The following NELL1 variants were observed in gnomAD, a reference collection of about 807,000 sequenced individuals.
NELL1 encodes the protein neural EGFL like 1.
NELL1 carries 76 observed loss-of-function variants against 107.4 expected under a neutral mutation model. That is an observed-to-expected ratio of 0.71 (90% CI 0.59 to 0.86). The LOEUF is 0.86. Among genes scored for constraint, NELL1 ranks in the 40% least tolerant of loss-of-function variants. The pLI, the probability that NELL1 is intolerant of heterozygous loss-of-function variation, is 0.00. For missense variants in NELL1, 1,024 were observed against 1,005.5 expected (o/e 1.02, Z -0.25); for synonymous variants, 353 against 341.2 (o/e 1.03, Z -0.38).
chr11:20,842,801 G>C (rs922176806), intron 3 of NELL1, among the ~76,000 whole-genome samples: 1 of 152,186 alleles, frequency 6.6e-6, no homozygotes, highest in East Asian at 1.9e-4. Context: ...CACTACTATA[G>C]AAATATTTGT....
chr11:21,289,683 GGC>G (rs1849206791), intron 14 of NELL1, among the ~76,000 whole-genome samples: 1 of 152,152 alleles, frequency 6.6e-6, no homozygotes, highest in African/African-American at 2.4e-5. Flanking sequence ...TCCTGGAAAA[GGC>G]TGAAGCCAGG....
At chr11:21,437,888 C>T (rs1331370728) in intron 15 of NELL1, among the ~76,000 whole-genome samples, 2 of 152,138 alleles carry the variant, frequency 1.3e-5, no homozygotes, top group Non-Finnish European at 2.9e-5. Flanking sequence ...AAATTATTTG[C>T]ATTCAAGGTT....
chr11:21,023,577 T>A (rs79926065), intron 12 of NELL1, among the ~76,000 whole-genome samples: 6,222 of 152,250 alleles, frequency 0.041, 181 homozygotes, highest in Middle Eastern at 0.12. Context: ...TGCTAAATTT[T>A]TTTTTTAGTG....
intron 4 of NELL1, among the ~76,000 whole-genome samples, chr11:20,867,913 T>C (rs944326097): frequency 3.3e-5 from 5 of 152,198 alleles, no homozygotes; most frequent in Admixed American, 6.5e-5. Context: ...ATTTCTAAAT[T>C]GTGAATGAGA....
At chr11:20,708,420 A>G (rs1034977136) in intron 2 of NELL1, among the ~76,000 whole-genome samples, 1 of 151,964 alleles carries the variant, frequency 6.6e-6, no homozygotes, top group Non-Finnish European at 1.5e-5. Context: ...CTTCTGGGTC[A>G]CTCATGCTGG....
At chr11:21,240,524 C>T (rs1044108261) in intron 14 of NELL1, among the ~76,000 whole-genome samples, 3 of 151,958 alleles carry the variant, frequency 2.0e-5, no homozygotes, top group African/African-American at 7.2e-5. Context: ...CTAATTATCT[C>T]ATCTAAGTTA....
chr11:21,045,604 A>G (rs977073826), intron 12 of NELL1, among the ~76,000 whole-genome samples: 1 of 152,114 alleles, frequency 6.6e-6, no homozygotes. Flanking sequence ...TACCTGTTTA[A>G]TGTACTTAAT....
chr11:20,847,505 A>T, intron 3 of NELL1, 78 bp from the exon 4 acceptor site: 1 of 1,412,000 alleles, frequency 7.1e-7, no homozygotes, highest in South Asian at 1.4e-5. Context: ...GAGACCTGGT[A>T]GTAAGGGGTT....
At chr11:21,173,204 G>C (rs1366086092) in intron 13 of NELL1, among the ~76,000 whole-genome samples, 2 of 151,668 alleles carry the variant, frequency 1.3e-5, no homozygotes, top group Non-Finnish European at 2.9e-5. Context: ...ACTGCTCCAG[G>C]CATCCTCATT....
At chr11:21,005,102 G>A (rs1426831933) in intron 12 of NELL1, among the ~76,000 whole-genome samples, 1 of 152,088 alleles carries the variant, frequency 6.6e-6, no homozygotes, top group South Asian at 2.1e-4. Context: ...CTCATATTCA[G>A]AATAATAACT....
chr11:21,431,038 A>T (rs755603842), intron 15 of NELL1, among the ~76,000 whole-genome samples: 88 of 152,192 alleles, frequency 5.8e-4, no homozygotes, highest in Non-Finnish European at 1.2e-3. Flanking sequence ...AATTCAAAAC[A>T]CGTCTAACCT....
At chr11:20,670,488 G>C (rs1239605015) in intron 1 of NELL1, 1 of 152,280 alleles carries the variant, frequency 6.6e-6, no homozygotes, top group East Asian at 1.9e-4. Flanking sequence ...TGTGGGGAGG[G>C]GGGAGCAAGG....
At chr11:21,447,942 T>A (rs1017981575) in intron 15 of NELL1, among the ~76,000 whole-genome samples, 1 of 152,190 alleles carries the variant, frequency 6.6e-6, no homozygotes, top group African/African-American at 2.4e-5. Flanking sequence ...GCTGGGCTAA[T>A]CTAAATGCTC....
chr11:20,814,346 C>T (rs1283340321), intron 3 of NELL1, among the ~76,000 whole-genome samples: 2 of 152,210 alleles, frequency 1.3e-5, no homozygotes, highest in Non-Finnish European at 1.5e-5. Flanking sequence ...AGGTGTGCTA[C>T]ATTGGCATAT....
intron 2 of NELL1, among the ~76,000 whole-genome samples, chr11:20,750,186 T>A (rs939435091): frequency 1.3e-5 from 2 of 152,230 alleles, no homozygotes; most frequent in Non-Finnish European, 2.9e-5. Flanking sequence ...CCCCGATGAC[T>A]AATGATGTTT....
chr11:21,411,333 T>G (rs1345844255), intron 15 of NELL1, among the ~76,000 whole-genome samples: 1 of 152,100 alleles, frequency 6.6e-6, no homozygotes, highest in African/African-American at 2.4e-5. Flanking sequence ...GGGTTTTACT[T>G]TGTTGTACAG....
chr11:21,379,421 C>T lies in NELL1; in HGVS notation c.1645+8473C>T, dbSNP rs1851557674. Among the ~76,000 whole-genome samples, 2 of 152,074 alleles carry T rather than the reference C, an allele frequency of 1.3e-5. 1 individual carries two copies. The highest frequency in any genetic ancestry group is 4.1e-4 in the South Asian group (2 of 4,830). On this transcript the variant is annotated intron_variant, in intron 15 of 19. Transcript: ENST00000357134. ...ACTCTCATAAGCTTTGAACCTCTCA[C>T]AGTATCCAAGTGTTTTTGAAATATA...
intron 3 of NELL1, among the ~76,000 whole-genome samples, chr11:20,805,923 T>C (rs745630810): frequency 2.6e-5 from 4 of 152,244 alleles, no homozygotes; most frequent in Non-Finnish European, 5.9e-5. Context: ...TTTGTTTTAT[T>C]TATATCTTAT....
chr11:21,354,101 G>T (rs907163919), intron 14 of NELL1, among the ~76,000 whole-genome samples: 2 of 152,148 alleles, frequency 1.3e-5, no homozygotes, highest in African/African-American at 4.8e-5. Context: ...AAGAAGATAA[G>T]TCTTACCGCA....
Sources: gnomAD v4.1 joint callset for allele counts (sites outside exome capture counted in the v4.1 genomes callset) on GRCh38, gnomAD v4.1.1 for gene constraint, MANE v1.5 for transcripts, NCBI Gene and HGNC (gene_info 2026-07-23, HGNC 2026-07-21) for gene names.